Variants in FSIP1 observed in about 807,000 individuals in gnomAD.
FSIP1 encodes fibrous sheath interacting protein 1.
A neutral mutation model predicts 60.9 loss-of-function variants in FSIP1; 65 were observed. That is an observed-to-expected ratio of 1.07 (90% CI 0.87 to 1.31). FSIP1 has a LOEUF of 1.31. FSIP1 is among the 40% of genes most tolerant of loss of function. The probability of loss-of-function intolerance (pLI) is 0.00; values close to 1 mark genes in which losing one functional copy is unlikely to be tolerated. For synonymous variants in FSIP1, 209 were observed against 221.2 expected, an observed-to-expected ratio of 0.94 and a Z score of 0.49; for missense variants, 675 against 665.5, an observed-to-expected ratio of 1.01 and a Z score of -0.16.
intron 5 of FSIP1, among the ~76,000 whole-genome samples, chr15:39,746,508 A>G (rs1050954431): frequency 6.6e-6 from 1 of 152,206 alleles, no homozygotes; most frequent in Non-Finnish European, 1.5e-5. Flanking sequence ...AAAAGCATGC[A>G]GATGGACAAT....
chr15:39,689,718 A>G (rs1894519937), intron 10 of FSIP1, among the ~76,000 whole-genome samples: 1 of 152,344 alleles, frequency 6.6e-6, no homozygotes, highest in Non-Finnish European at 1.5e-5. Flanking sequence ...ACAATATCAC[A>G]CATACTTAAT....
intron 10 of FSIP1, among the ~76,000 whole-genome samples, chr15:39,655,795 G>A (rs1443142584): frequency 6.6e-6 from 1 of 152,146 alleles, no homozygotes; most frequent in African/African-American, 2.4e-5. Flanking sequence ...ATTTTGAAAT[G>A]ATCTTAGGAT....
chr15:39,615,502 GA>G (rs1186587110), intron 11 of FSIP1, among the ~76,000 whole-genome samples: 1 of 151,438 alleles, frequency 6.6e-6, no homozygotes, highest in Non-Finnish European at 1.5e-5. Context: ...ACAGGTTCAT[GA>G]AAAAATACTT....
chr15:39,718,455 T>C (rs986462076), intron 9 of FSIP1, among the ~76,000 whole-genome samples: 1 of 151,340 alleles, frequency 6.6e-6, no homozygotes, highest in Non-Finnish European at 1.5e-5. Context: ...CTGAATTTCC[T>C]ACAATAAACA....
At chr15:39,714,600 T>G (rs965177530) in intron 9 of FSIP1, among the ~76,000 whole-genome samples, 4 of 151,298 alleles carry the variant, frequency 2.6e-5, no homozygotes, top group African/African-American at 9.7e-5. Flanking sequence ...TAAACTCCAG[T>G]GAGCTTCAGA....
At chr15:39,610,760 A>G (rs1891000245) in intron 11 of FSIP1, among the ~76,000 whole-genome samples, 1 of 152,242 alleles carries the variant, frequency 6.6e-6, no homozygotes, top group Admixed American at 6.5e-5. Flanking sequence ...GGGAGTCCCA[A>G]AACAGCAACC....
In FSIP1 at chr15:39,719,367, C is replaced by T. The variant is rs16969702; in HGVS notation, c.1051-5786G>A. Among the ~76,000 whole-genome samples, 4 of 152,242 alleles carry T rather than the reference C, an allele frequency of 2.6e-5. No homozygotes were observed. The South Asian group carries it at 8.3e-4, about 32-fold the overall frequency. On this transcript the variant is annotated intron_variant, in intron 9 of 11. Coordinates refer to ENST00000350221, the MANE Select transcript of FSIP1 (RefSeq NM_152597.5). The stretch of plus-strand genomic sequence containing the variant: ...GGAGAATTCAATAAAAGCTCTCCTC[C>T]ATATGCCACAAGAAGAGAACTGTCC...
intron 9 of FSIP1, among the ~76,000 whole-genome samples, chr15:39,714,638 C>T (rs763029942): frequency 7.3e-5 from 11 of 151,280 alleles, no homozygotes; most frequent in Non-Finnish European, 1.5e-4. Flanking sequence ...GGAAAAAATC[C>T]GAAGGACCAG....
At chr15:39,626,026 G>A (rs561420341) in intron 10 of FSIP1, among the ~76,000 whole-genome samples, 7 of 152,222 alleles carry the variant, frequency 4.6e-5, no homozygotes, top group African/African-American at 1.4e-4. Flanking sequence ...GTCAAGGAAG[G>A]TTGTGATGGG....
At chr15:39,687,143 T>C (rs1894411194) in intron 10 of FSIP1, among the ~76,000 whole-genome samples, 1 of 125,826 alleles carries the variant, frequency 7.9e-6, no homozygotes, top group Non-Finnish European at 1.7e-5. Context: ...TTTCCTTTTT[T>C]TTTTTTTTTT....
intron 10 of FSIP1, among the ~76,000 whole-genome samples, chr15:39,620,544 T>C (rs1386240797): frequency 6.6e-6 from 1 of 151,864 alleles, no homozygotes; most frequent in African/African-American, 2.4e-5. Context: ...TTTTTCTTTA[T>C]TACTATAACA....
At chr15:39,658,545 TG>T (rs1352246477) in intron 10 of FSIP1, among the ~76,000 whole-genome samples, 1 of 152,140 alleles carries the variant, frequency 6.6e-6, no homozygotes, top group Non-Finnish European at 1.5e-5. Flanking sequence ...CCACCGCAAC[TG>T]GCCTAAACAG....
intron 10 of FSIP1, among the ~76,000 whole-genome samples, chr15:39,706,365 T>A (rs1160816338): frequency 6.6e-6 from 1 of 152,198 alleles, no homozygotes; most frequent in Non-Finnish European, 1.5e-5. Flanking sequence ...TACTGACACA[T>A]AATGATATCA....
intron 10 of FSIP1, among the ~76,000 whole-genome samples, chr15:39,710,026 G>A (rs1334583663): frequency 6.6e-6 from 1 of 152,158 alleles, no homozygotes; most frequent in Non-Finnish European, 1.5e-5. Context: ...CAGGTCTCCA[G>A]ATTCCCGGCT....
At chr15:39,674,549 T>A (rs1893860754) in intron 10 of FSIP1, among the ~76,000 whole-genome samples, 1 of 151,488 alleles carries the variant, frequency 6.6e-6, no homozygotes, top group Non-Finnish European at 1.5e-5. Flanking sequence ...AGAGACATAT[T>A]GACCTATGGA....
chr15:39,622,054 T>C (rs1368341858), intron 10 of FSIP1, among the ~76,000 whole-genome samples: 1 of 152,198 alleles, frequency 6.6e-6, no homozygotes, highest in Non-Finnish European at 1.5e-5. Flanking sequence ...CTGCCCTCAA[T>C]AGTTAAGGAA....
intron 10 of FSIP1, among the ~76,000 whole-genome samples, chr15:39,647,623 G>T (rs376069085): frequency 2.0e-5 from 3 of 151,802 alleles, no homozygotes; most frequent in African/African-American, 7.3e-5. Context: ...AGATTTTGGT[G>T]TTTTCTAACA....
At chr15:39,625,161 G>C (rs1891588311) in intron 10 of FSIP1, among the ~76,000 whole-genome samples, 1 of 152,204 alleles carries the variant, frequency 6.6e-6, no homozygotes, top group Admixed American at 6.5e-5. Context: ...GGGTTTGCCT[G>C]GTGAGAGGCT....
chr15:39,601,776 T>C (rs1890649345), intron 11 of FSIP1, among the ~76,000 whole-genome samples: 1 of 152,154 alleles, frequency 6.6e-6, no homozygotes, highest in Non-Finnish European at 1.5e-5. Context: ...GAAGACATAA[T>C]GTAAGAAGCC....
Sources: gnomAD v4.1 joint callset for allele counts (sites outside exome capture counted in the v4.1 genomes callset) on GRCh38, gnomAD v4.1.1 for gene constraint, MANE v1.5 for transcripts, NCBI Gene and HGNC (gene_info 2026-07-23, HGNC 2026-07-21) for gene names.